MESD: variants seen among roughly 807,000 people sequenced by gnomAD.
The protein encoded by MESD is LRP chaperone MESD.
A neutral mutation model predicts 12.9 loss-of-function variants in MESD; 7 were observed. The observed-to-expected ratio is 0.54, with a 90% CI of 0.31 to 1.02. MESD has a LOEUF of 1.02. Among genes scored for constraint, MESD ranks in the 50% least tolerant of loss-of-function variants. The pLI is 0.05. For synonymous variants in MESD, 126 were observed against 115.6 expected, an observed-to-expected ratio of 1.09 and a Z score of -0.58; for missense variants, 342 against 296.7, an observed-to-expected ratio of 1.15 and a Z score of -1.12.
chr15:80,961,526 T>C (rs1297307035), intron 3 of MESD, among the ~76,000 whole-genome samples: 3 of 152,284 alleles, frequency 2.0e-5, no homozygotes, highest in African/African-American at 4.8e-5. Flanking sequence ...AATAATTTGG[T>C]GCAAATTTTC....
chr15:80,987,900 G>C (rs1402635045), intron 1 of MESD, among the ~76,000 whole-genome samples: 1 of 152,188 alleles, frequency 6.6e-6, no homozygotes, highest in Non-Finnish European at 1.5e-5. Context: ...CAAGGTGGGA[G>C]GACTGCAAAG....
rs1277595394 is a variant in MESD, at chr15:80,955,626, TG to T, written c.*289-3331del. On this transcript the variant is annotated intron_variant, in intron 3 of 4. Coordinates refer to the MESD transcript ENST00000561312. ...AAGTGTGTGTTTGTGCGTGTGTGTG[TG>T]TGTGTGTGTGTGAGAGAGACAGAGT... is the stretch of plus-strand genomic sequence containing the variant. Among the ~76,000 whole-genome samples the T allele has an allele frequency of 7.3e-3, 1,102 of 151,070 alleles. 15 individuals carry two copies. The highest frequency in any genetic ancestry group is 0.026 in the African/African-American group (1,054 of 41,100).
chr15:80,960,392 A>T (rs1449533149), intron 3 of MESD, among the ~76,000 whole-genome samples: 1 of 149,834 alleles, frequency 6.7e-6, no homozygotes, highest in Non-Finnish European at 1.5e-5. Flanking sequence ...AGCACGGAGA[A>T]AAAAAAAAAC....
chr15:80,987,026 C>T (rs1840976416), intron 1 of MESD, among the ~76,000 whole-genome samples: 1 of 152,140 alleles, frequency 6.6e-6, no homozygotes, highest in African/African-American at 2.4e-5. Context: ...AAGTGCAAAC[C>T]ACATTTCTGG....
chr15:80,958,505 T>C (rs148516921), intron 3 of MESD, among the ~76,000 whole-genome samples: 209 of 152,264 alleles, frequency 1.4e-3, no homozygotes, highest in Admixed American at 2.4e-3. Context: ...TAATTTTTTC[T>C]ATTTTTTGGT....
chr15:80,974,265 G>A (rs1441160447), downstream of MESD, among the ~76,000 whole-genome samples: 1 of 152,158 alleles, frequency 6.6e-6, no homozygotes, highest in Admixed American at 6.5e-5. Flanking sequence ...CAGATACGGA[G>A]GGAAAAGAGC....
At chr15:80,957,779 T>A (rs1348759001) in intron 3 of MESD, among the ~76,000 whole-genome samples, 1 of 152,164 alleles carries the variant, frequency 6.6e-6, no homozygotes, top group East Asian at 1.9e-4. Flanking sequence ...CAAAAAGCAG[T>A]GTCTCAGCTC....
downstream of MESD, among the ~76,000 whole-genome samples, chr15:80,972,406 C>G (rs1902307644): frequency 6.6e-6 from 1 of 152,206 alleles, no homozygotes; most frequent in South Asian, 2.1e-4. Context: ...GATTTGTCAA[C>G]CTGGTTGATG....
At position 80,949,187 on chromosome 15, in the gene MESD, C is replaced by T. The variant is rs1194349900; in HGVS notation, c.*627-289G>A. On this transcript the variant is annotated intron_variant, in intron 4 of 4. Transcript: ENST00000561312. ...TTCCTGCAGCCTCTTGGGTGCTTCTCTCCTATCTGTGCCTCTTCAGTGGGG... is the reference window on the plus strand; with the variant it reads ...TTCCTGCAGCCTCTTGGGTGCTTCTTTCCTATCTGTGCCTCTTCAGTGGGG... The T allele has an allele frequency of 2.1e-4, 107 of 514,852 alleles. No homozygotes were observed. The East Asian group carries it at 3.9e-3, about 19-fold the overall frequency. 31.9% of individuals were successfully genotyped at this position (514,852 alleles called of 1,614,324 possible).
chr15:80,953,155 G>A (rs1901885390), intron 3 of MESD: 1 of 448,374 alleles, frequency 2.2e-6, no homozygotes, highest in African/African-American at 2.0e-5. Flanking sequence ...TCAGTCATGA[G>A]AGGCAAAGTG....
chr15:80,961,839 A>G (rs1596226464), intron 3 of MESD, among the ~76,000 whole-genome samples: 2 of 152,352 alleles, frequency 1.3e-5, no homozygotes, highest in Middle Eastern at 6.8e-3. Flanking sequence ...TCCTGAAGGA[A>G]GCATTAAACA....
chr15:80,965,942 T>TAA (rs1227933894), intron 3 of MESD, among the ~76,000 whole-genome samples: 1 of 152,000 alleles, frequency 6.6e-6, no homozygotes, highest in Non-Finnish European at 1.5e-5. Context: ...CCCTAGAACT[T>TAA]AAAGTATAAT....
chr15:80,963,441 T>C (rs568098942), intron 3 of MESD, among the ~76,000 whole-genome samples: 2 of 152,016 alleles, frequency 1.3e-5, no homozygotes, highest in Non-Finnish European at 2.9e-5. Context: ...ACTATTCCAA[T>C]CAATAGAAAA....
At chr15:80,986,063 C>T (rs1188668755) in intron 1 of MESD, among the ~76,000 whole-genome samples, 1 of 151,980 alleles carries the variant, frequency 6.6e-6, no homozygotes, top group East Asian at 1.9e-4. Context: ...GCTTTAATTT[C>T]CATTGTATAT....
chr15:80,955,779 C>G (rs946258183), intron 3 of MESD, among the ~76,000 whole-genome samples: 3 of 151,728 alleles, frequency 2.0e-5, no homozygotes, highest in Non-Finnish European at 4.4e-5. Context: ...AGCCACCACG[C>G]CTGGCTAATT....
chr15:80,956,226 A>G (rs1040891175), intron 3 of MESD, among the ~76,000 whole-genome samples: 5 of 152,126 alleles, frequency 3.3e-5, no homozygotes, highest in Non-Finnish European at 5.9e-5. Context: ...AAAGACCCTA[A>G]GAGCCTAGGC....
chr15:80,957,599 A>AACACAC (rs36008211), intron 3 of MESD, among the ~76,000 whole-genome samples: 14 of 148,796 alleles, frequency 9.4e-5, no homozygotes, highest in African/African-American at 2.5e-4. Flanking sequence ...TCCACTGCAA[A>AACACAC]ACACACACAC....
At position 80,978,244 on chromosome 15, in the gene MESD, G is replaced by A. The variant is rs1427321854; in HGVS notation, c.*975C>T. Reference sequence around the variant, plus strand: ...TAATTTATTAAAATCACAATTGAGGGTTTTTCCCAAAGAATTTTAGTTCTT... The same window carrying A: ...TAATTTATTAAAATCACAATTGAGGATTTTTCCCAAAGAATTTTAGTTCTT... On this transcript the variant is annotated 3_prime_UTR_variant, in exon 3 of 3. Coordinates refer to ENST00000261758, the MANE Select transcript of MESD (RefSeq NM_015154.3). 6.6e-6 allele frequency: 1 copy of A among 151,996 alleles called. No homozygotes were observed. Among genetic ancestry groups the A allele is most frequent in the African/African-American group, 2.4e-5 (1 of 41,358 alleles). 9.4% of individuals were successfully genotyped at this position (151,996 alleles called of 1,614,324 possible).
chr15:80,960,240 C>G (rs1308480088), intron 3 of MESD, among the ~76,000 whole-genome samples: 2 of 152,102 alleles, frequency 1.3e-5, no homozygotes, highest in Non-Finnish European at 2.9e-5. Flanking sequence ...TGGCACCCAC[C>G]TGTAGTGCCA....
Sources: allele counts gnomAD v4.1 joint callset (sites outside exome capture counted in the v4.1 genomes callset), GRCh38; gene constraint gnomAD v4.1.1; transcripts MANE v1.5; gene names NCBI Gene and HGNC (gene_info 2026-07-23, HGNC 2026-07-21).